RIC1: variants seen among roughly 807,000 people sequenced by gnomAD.
The protein encoded by RIC1 is RIC1 partner of RAB6A GEF complex, also known as guanine nucleotide exchange factor subunit RIC1.
RIC1 carries 88 observed loss-of-function variants against 169.0 expected under a neutral mutation model. The ratio of observed to expected loss-of-function variants is 0.52; its 90% CI spans 0.44 to 0.62. RIC1 has a LOEUF of 0.62. Ranked by LOEUF, RIC1 falls within the 20% of genes least tolerant of loss-of-function variation. RIC1 has a pLI of 0.00. For missense variants in RIC1, 1,877 were observed against 1,725.5 expected (o/e 1.09, Z -1.56); for synonymous variants, 790 against 601.5 (o/e 1.31, Z -4.59).
At chr9:5,629,479 C>G (rs949575407) in intron 1 of RIC1, 26 bp downstream of exon 1, 2 of 1,522,300 alleles carry the variant, frequency 1.3e-6, no homozygotes, top group African/African-American at 1.4e-5. Flanking sequence ...CGCCGCCTTT[C>G]GCCGCTGCCT....
Position 5,738,487 on chromosome 9 carries a change from G to A in RIC1, c.850G>A (p.Gly284Arg). 6.2e-7 allele frequency: 1 copy of A among 1,605,612 alleles called. No homozygotes were observed. The highest frequency in any genetic ancestry group is 1.4e-5 in the African/African-American group (1 of 74,052). The change falls in exon 8 of 26, where the codon GGA (glycine) becomes AGA (arginine). Residue 284 changes from glycine (G) to arginine (R), a missense_variant. By Grantham distance (125) the Gly-to-Arg change is moderately radical (BLOSUM62 -2). Transcript: ENST00000414202. Reference sequence around the variant, plus strand: ...GGTCTATACAATAGATAACAGCACTGGAGCCATGCTGCTATCTCATAAATT... The same window carrying A: ...GGTCTATACAATAGATAACAGCACTAGAGCCATGCTGCTATCTCATAAATT... ...VQVYTIDNST[G>R]AMLLSHKLEL...
chr9:5,712,304 A>G (rs1271672444), intron 3 of RIC1, among the ~76,000 whole-genome samples: 1 of 152,088 alleles, frequency 6.6e-6, no homozygotes, highest in Non-Finnish European at 1.5e-5. Flanking sequence ...TGTGGTTTTG[A>G]TTTGCATTTC....
At chr9:5,686,536 CA>C (rs1821238290) in intron 2 of RIC1, among the ~76,000 whole-genome samples, 2 of 148,660 alleles carry the variant, frequency 1.3e-5, no homozygotes, top group Non-Finnish European at 3.0e-5. Flanking sequence ...AACAAAAAAC[CA>C]AACACCGCAT....
In RIC1 at chr9:5,720,468, A is replaced by C. The variant is rs1487238513; in HGVS notation, c.583+144A>C. ...GTATGAGAGGCGGGGTGAGAGAGGCATTTAATAGGAAAGGACAGTTTAATT... is the reference window on the plus strand; with the variant it reads ...GTATGAGAGGCGGGGTGAGAGAGGCCTTTAATAGGAAAGGACAGTTTAATT... On this transcript the variant is annotated intron_variant, in intron 5 of 25. Coordinates refer to ENST00000414202, the MANE Select transcript of RIC1 (RefSeq NM_020829.4). 3 of 1,121,748 alleles carry C rather than the reference A, an allele frequency of 2.7e-6. No individual in the cohort carries two copies. The East Asian group carries it at 7.3e-5, about 27-fold the overall frequency. The allele number at this position is 1,121,748 out of a possible 1,614,324, so 69.5% of individuals were successfully genotyped here. A position where few individuals can be genotyped will look rare whatever the true frequency, so the allele number is the denominator to read the frequency against.
At chr9:5,654,106 C>G (rs550776980) in intron 1 of RIC1, among the ~76,000 whole-genome samples, 2 of 151,896 alleles carry the variant, frequency 1.3e-5, no homozygotes, top group Non-Finnish European at 2.9e-5. Flanking sequence ...CTCGAGCAAT[C>G]TCCCACTTCA....
chr9:5,707,845 T>C (rs1199612205), intron 3 of RIC1, among the ~76,000 whole-genome samples: 1 of 152,178 alleles, frequency 6.6e-6, no homozygotes, highest in Non-Finnish European at 1.5e-5. Flanking sequence ...GCTTGCCTTT[T>C]AATGAATGCA....
At chr9:5,640,079 T>C (rs1378410372) in intron 1 of RIC1, among the ~76,000 whole-genome samples, 1 of 152,210 alleles carries the variant, frequency 6.6e-6, no homozygotes, top group African/African-American at 2.4e-5. Flanking sequence ...AATGCTATTA[T>C]TGATAAGTAG....
At chr9:5,672,563 G>A (rs1820172262) in intron 2 of RIC1, among the ~76,000 whole-genome samples, 1 of 152,090 alleles carries the variant, frequency 6.6e-6, no homozygotes, top group Admixed American at 6.5e-5. Context: ...TTTTTGAAAA[G>A]ATAAGAGACC....
intron 2 of RIC1, among the ~76,000 whole-genome samples, chr9:5,666,915 A>T (rs775226536): frequency 6.6e-6 from 1 of 152,136 alleles, no homozygotes; most frequent in South Asian, 2.1e-4. Context: ...TATTCTCATA[A>T]TCTCTGTTAT....
chr9:5,754,515 G>A (rs1405619085), intron 14 of RIC1, among the ~76,000 whole-genome samples: 1 of 152,136 alleles, frequency 6.6e-6, no homozygotes, highest in African/African-American at 2.4e-5. Flanking sequence ...GATCACTTGA[G>A]GCTGGGAGTC....
In RIC1 at chr9:5,637,226, AT is replaced by A. The variant is rs112529511; in HGVS notation, c.144+7784del. On this transcript the variant is annotated intron_variant, in intron 1 of 25. Coordinates refer to ENST00000414202, the MANE Select transcript of RIC1 (RefSeq NM_020829.4). ...AGGTGTGCCCCACTGCACTTGGCTAATTTTTTTTTTTCTGTAATTTTTTATA... is the reference window on the plus strand; with the variant it reads ...AGGTGTGCCCCACTGCACTTGGCTAATTTTTTTTTTCTGTAATTTTTTATA... 9.9e-4 allele frequency among the ~76,000 whole-genome samples: 146 copies of A among 147,372 alleles called. 1 individual carries two copies. The highest frequency in any genetic ancestry group is 3.2e-3 in the East Asian group (16 of 5,058).
chr9:5,696,608 A>G (rs1821922554), intron 3 of RIC1, among the ~76,000 whole-genome samples: 1 of 152,158 alleles, frequency 6.6e-6, no homozygotes, highest in Admixed American at 6.5e-5. Flanking sequence ...CTTAAAAAAA[A>G]ATCCAACAAT....
At chr9:5,648,200 T>A (rs1818627400) in intron 1 of RIC1, among the ~76,000 whole-genome samples, 1 of 152,170 alleles carries the variant, frequency 6.6e-6, no homozygotes. Flanking sequence ...TTCAGACTGG[T>A]CTCGAGCTCC....
chr9:5,736,103 T>TA (rs1275495045), intron 7 of RIC1, among the ~76,000 whole-genome samples: 1 of 152,232 alleles, frequency 6.6e-6, no homozygotes, highest in Non-Finnish European at 1.5e-5. Context: ...ACCTACTTCT[T>TA]ATATTTAAAA....
At chr9:5,682,463 CT>C (rs1477180687) in intron 2 of RIC1, among the ~76,000 whole-genome samples, 15 of 152,146 alleles carry the variant, frequency 9.9e-5, no homozygotes, top group Non-Finnish European at 2.1e-4. Flanking sequence ...AAATTCTTTT[CT>C]TTAAGAATGT....
intron 2 of RIC1, among the ~76,000 whole-genome samples, chr9:5,675,764 G>C (rs898113313): frequency 1.3e-5 from 2 of 152,136 alleles, no homozygotes; most frequent in Admixed American, 6.5e-5. Flanking sequence ...AAAAACTAAT[G>C]TACCAGTTGC....
chr9:5,757,089 C>T (rs1448337267), intron 16 of RIC1, among the ~76,000 whole-genome samples: 3 of 152,146 alleles, frequency 2.0e-5, no homozygotes, highest in Non-Finnish European at 2.9e-5. Context: ...TTTTCGTCTT[C>T]CCTCCTATTT....
intron 2 of RIC1, among the ~76,000 whole-genome samples, chr9:5,664,325 A>G (rs1178452978): frequency 2.0e-5 from 3 of 152,036 alleles, no homozygotes; most frequent in Non-Finnish European, 2.9e-5. Flanking sequence ...AGGCAGGAGA[A>G]TTGCTTGAAC....
intron 3 of RIC1, among the ~76,000 whole-genome samples, chr9:5,692,287 A>G (rs568934048): frequency 2.6e-5 from 4 of 152,220 alleles, no homozygotes; most frequent in African/African-American, 9.6e-5. Context: ...ATACCACCAA[A>G]AACTTTCCTC....
Sources: gnomAD v4.1 joint callset for allele counts (sites outside exome capture counted in the v4.1 genomes callset) on GRCh38, gnomAD v4.1.1 for gene constraint, MANE v1.5 for transcripts, NCBI Gene and HGNC (gene_info 2026-07-23, HGNC 2026-07-21) for gene names.